Variants in CSMD1 observed in about 807,000 individuals in gnomAD.
CSMD1 encodes the protein CUB and sushi domain-containing protein 1.
Under a neutral mutation model 417.5 loss-of-function variants are expected in CSMD1, and 213 were observed. The ratio of observed to expected loss-of-function variants is 0.51; its 90% CI spans 0.46 to 0.57. The LOEUF (loss-of-function observed/expected upper bound fraction) is 0.57, where lower values mean the gene tolerates loss of function less well. Ranked by LOEUF, CSMD1 falls within the 20% of genes least tolerant of loss-of-function variation. CSMD1 has a pLI of 0.00. For missense variants in CSMD1, 6,923 were observed against 4,529.7 expected, an observed-to-expected ratio of 1.53 and a Z score of -15.17; for synonymous variants, 2,862 against 1,736.8, an observed-to-expected ratio of 1.65 and a Z score of -16.11.
At chr8:4,559,358 T>C (rs1043648916) in intron 2 of CSMD1, among the ~76,000 whole-genome samples, 2 of 152,210 alleles carry the variant, frequency 1.3e-5, no homozygotes, top group Admixed American at 6.5e-5. Context: ...TCTCTGGTTA[T>C]GTTATAAAAT....
At position 4,803,694 on chromosome 8, in the gene CSMD1, C is replaced by G. The variant is rs75893273; in HGVS notation, c.86-166136G>C. Among the ~76,000 whole-genome samples the G allele has an allele frequency of 9.2e-3, 1,408 of 152,280 alleles. 60 individuals carry two copies. Among genetic ancestry groups the G allele is most frequent in the Admixed American group, 0.059 (898 of 15,294 alleles). On this transcript the variant is annotated intron_variant, in intron 1 of 69. Coordinates refer to ENST00000635120, the MANE Select transcript of CSMD1 (RefSeq NM_033225.6). ...CAGTAAAATAAAGTTAAGCTCATTT[C>G]TGCTTTTTTCCACGAATGTCTATTC...
At chr8:4,579,099 T>A (rs1466426958) in intron 2 of CSMD1, among the ~76,000 whole-genome samples, 1 of 151,378 alleles carries the variant, frequency 6.6e-6, no homozygotes, top group Non-Finnish European at 1.5e-5. Flanking sequence ...TTATAAAGAG[T>A]AAGGACAATA....
At chr8:4,707,294 T>C (rs769278857) in intron 1 of CSMD1, among the ~76,000 whole-genome samples, 21 of 152,156 alleles carry the variant, frequency 1.4e-4, no homozygotes, top group Non-Finnish European at 2.8e-4. Flanking sequence ...CATGAGGAAA[T>C]TGAAGCTTGG....
At chr8:3,935,854 C>T (rs575940536) in intron 5 of CSMD1, among the ~76,000 whole-genome samples, 2 of 152,172 alleles carry the variant, frequency 1.3e-5, no homozygotes, top group South Asian at 4.2e-4. Flanking sequence ...AAATCAAAAG[C>T]TAGAAATCAT....
intron 5 of CSMD1, among the ~76,000 whole-genome samples, chr8:3,759,854 C>T (rs1187860994): frequency 1.4e-5 from 2 of 148,042 alleles, no homozygotes; most frequent in African/African-American, 5.0e-5. Context: ...GTTGCAGTGA[C>T]CCGGAGATTG....
At chr8:4,157,152 G>A (rs1217444899) in intron 3 of CSMD1, among the ~76,000 whole-genome samples, 2 of 152,140 alleles carry the variant, frequency 1.3e-5, no homozygotes, top group African/African-American at 2.4e-5. Flanking sequence ...TTAAGTGGTA[G>A]AAGAAACATC....
intron 51 of CSMD1, among the ~76,000 whole-genome samples, chr8:3,028,783 A>G (rs1414967505): frequency 6.6e-6 from 1 of 152,196 alleles, no homozygotes; most frequent in Non-Finnish European, 1.5e-5. Flanking sequence ...TAAAGATTGT[A>G]TACTAGACAC....
At chr8:3,615,988 A>G (rs561954614) in intron 8 of CSMD1, among the ~76,000 whole-genome samples, 5 of 152,336 alleles carry the variant, frequency 3.3e-5, no homozygotes, top group East Asian at 3.9e-4. Context: ...CTAGTTCACC[A>G]TAATCCTAGT....
At chr8:4,858,245 G>C (rs1424697087) in intron 1 of CSMD1, among the ~76,000 whole-genome samples, 2 of 150,444 alleles carry the variant, frequency 1.3e-5, no homozygotes, top group African/African-American at 2.5e-5. Context: ...CAATAAATTA[G>C]GTATTGATGG....
rs373499880 is a variant in CSMD1, at chr8:4,277,757, G to A, written c.415+142196C>T. ...ATTCCCTAAATGTATTTTTATTTTTGTTTTTTCTGAGACGGAGTCTCACTC... is the reference window on the plus strand; with the variant it reads ...ATTCCCTAAATGTATTTTTATTTTTATTTTTTCTGAGACGGAGTCTCACTC... On this transcript the variant is annotated intron_variant, in intron 3 of 69. Transcript: ENST00000635120. 5.5e-4 allele frequency among the ~76,000 whole-genome samples: 83 copies of A among 152,104 alleles called. 1 individual carries two copies. In the South Asian group the frequency reaches 0.016, roughly 30 times the overall value.
At chr8:4,262,122 G>T (rs528113083) in intron 3 of CSMD1, among the ~76,000 whole-genome samples, 4 of 152,154 alleles carry the variant, frequency 2.6e-5, no homozygotes, top group East Asian at 3.9e-4. Flanking sequence ...TTCCTATAGA[G>T]AATTGTTAGA....
intron 3 of CSMD1, among the ~76,000 whole-genome samples, chr8:4,127,452 TGAA>T (rs1469319972): frequency 9.5e-5 from 3 of 31,528 alleles, no homozygotes; most frequent in East Asian, 1.1e-3. Flanking sequence ...CAAGCATTAA[TGAA>T]AAAAAAAAAA....
In CSMD1 at chr8:4,335,570, C is replaced by A. The variant is rs568715702; in HGVS notation, c.415+84383G>T. On this transcript the variant is annotated intron_variant, in intron 3 of 69. Transcript: ENST00000635120. ...AAATTAGCTTAAAACCTGTCACTAT[C>A]AGTCTTAGCTAACTTTTCCTTAAAA... Among the ~76,000 whole-genome samples the A allele has an allele frequency of 7.2e-5, 11 of 152,210 alleles. No homozygotes were observed. The South Asian group carries it at 1.5e-3, about 20-fold the overall frequency.
In CSMD1 at chr8:3,754,839, C is replaced by T. The variant is rs115557316; in HGVS notation, c.819-797G>A. Among the ~76,000 whole-genome samples, 1,192 of 152,238 alleles carry T rather than the reference C, an allele frequency of 7.8e-3. 16 individuals are homozygous for T. Among genetic ancestry groups the T allele is most frequent in the African/African-American group, 0.027 (1,130 of 41,548 alleles). ...TGGTAACAAGCTATATTCCCAGCATCCCATTTGCAGGACTAAGAACCTGGG... is the reference window on the plus strand; with the variant it reads ...TGGTAACAAGCTATATTCCCAGCATTCCATTTGCAGGACTAAGAACCTGGG... On this transcript the variant is annotated intron_variant, in intron 5 of 69. Transcript: ENST00000635120.
At chr8:4,539,953 G>T (rs538138730) in intron 2 of CSMD1, among the ~76,000 whole-genome samples, 2 of 152,182 alleles carry the variant, frequency 1.3e-5, no homozygotes, top group South Asian at 4.2e-4. Flanking sequence ...CCCAAACTCC[G>T]CCCCGTCCAG....
intron 1 of CSMD1, among the ~76,000 whole-genome samples, chr8:4,770,134 G>C (rs527817346): frequency 1.3e-4 from 20 of 151,146 alleles, no homozygotes; most frequent in Admixed American, 1.1e-3. Context: ...AATACCCATA[G>C]TACCAGAAGC....
intron 1 of CSMD1, among the ~76,000 whole-genome samples, chr8:4,657,424 G>A (rs1363805446): frequency 6.6e-6 from 1 of 151,626 alleles, no homozygotes; most frequent in African/African-American, 2.4e-5. Flanking sequence ...TTCCCTCTCT[G>A]TCTCTCTTTC....
intron 3 of CSMD1, among the ~76,000 whole-genome samples, chr8:4,086,263 C>G (rs1009585457): frequency 1.7e-4 from 26 of 152,068 alleles, no homozygotes; most frequent in Admixed American, 1.1e-3. Flanking sequence ...AGGAAGACCT[C>G]CAAGAGGGAG....
In CSMD1 at chr8:3,862,505, C is replaced by A. The variant is rs565285692; in HGVS notation, c.819-108463G>T. On this transcript the variant is annotated intron_variant, in intron 5 of 69. Transcript: ENST00000635120. ...GAACTCAAAGTTCGCCTTTCCCAGA[C>A]CTTACAACTGTTTGCTACCATAAAA... 4.6e-5 allele frequency among the ~76,000 whole-genome samples: 7 copies of A among 152,308 alleles called. No individual in the cohort carries two copies. The East Asian group carries it at 5.8e-4, about 13-fold the overall frequency.
Sources: allele counts gnomAD v4.1 joint callset (sites outside exome capture counted in the v4.1 genomes callset), GRCh38; gene constraint gnomAD v4.1.1; transcripts MANE v1.5; gene names NCBI Gene and HGNC (gene_info 2026-07-23, HGNC 2026-07-21).